WDR83: variants seen among roughly 807,000 people sequenced by gnomAD.
WDR83 encodes the protein WD repeat domain 83.
WDR83 carries 37 observed loss-of-function variants against 37.7 expected under a neutral mutation model. The observed-to-expected ratio is 0.98, with a 90% CI of 0.76 to 1.29. The LOEUF is 1.29. Among genes scored for constraint, WDR83 ranks in the 50% most tolerant of loss-of-function variants. The probability of loss-of-function intolerance (pLI) is 0.00; values close to 1 mark genes in which losing one functional copy is unlikely to be tolerated. For missense variants in WDR83, 445 were observed against 414.4 expected (o/e 1.07, Z -0.64); for synonymous variants, 174 against 181.1 (o/e 0.96, Z 0.31).
At position 12,670,251 on chromosome 19, in the gene WDR83, G is replaced by C. The variant is rs142667818; in HGVS notation, c.296G>C (p.Gly99Ala). 3.9e-5 allele frequency: 63 copies of C among 1,614,148 alleles called. No homozygotes were observed. In the African/African-American group the frequency reaches 7.6e-4, roughly 19 times the overall value. Residue 99 changes from glycine to alanine, a missense_variant, in exon 5 of 11, where the codon GGG becomes GCG. Coordinates refer to ENST00000418543, the MANE Select transcript of WDR83 (RefSeq NM_001099737.3). Reference protein sequence around the residue: ...KAVVLWDVASGQVVRKFRGHA... With the variant: ...KAVVLWDVASAQVVRKFRGHA... ...GTGGTTCTGTGGGATGTGGCATCAG[G>C]GCAGGTCGTGCGCAAATTCCGGGGC...
intron 2 of WDR83, chr19:12,669,167 C>T: frequency 6.2e-7 from 1 of 1,614,188 alleles, no homozygotes; most frequent in South Asian, 1.1e-5. Flanking sequence ...TCATGCCCAG[C>T]AGGTTCATGT....
chr19:12,668,680 C>A lies in WDR83; in HGVS notation c.-37+53C>A, dbSNP rs960415695. On this transcript the variant is annotated intron_variant, in intron 2 of 10. Transcript: ENST00000418543. ...GCACAACAATGAGTCCCCGAAGCCA[C>A]CTTTCCAGACACCAGATCATGCCCA... The A allele has an allele frequency of 1.3e-5, 17 of 1,358,852 alleles. No homozygotes were observed. In the African/African-American group the frequency reaches 2.0e-4, roughly 16 times the overall value. 84.2% of individuals were successfully genotyped at this position (1,358,852 alleles called of 1,614,324 possible).
At chr19:12,672,096 T>C (rs1264322114) in intron 7 of WDR83, among the ~76,000 whole-genome samples, 3 of 152,156 alleles carry the variant, frequency 2.0e-5, no homozygotes, top group Non-Finnish European at 4.4e-5. Context: ...GGATTGATCT[T>C]GGTGTCTCAC....
At chr19:12,673,142 C>T in intron 9 of WDR83, 26 bp downstream of exon 9, 3 of 1,611,562 alleles carry the variant, frequency 1.9e-6, no homozygotes, top group South Asian at 2.2e-5. Flanking sequence ...CGTGGGGATC[C>T]CCTTCCCTCC....
chr19:12,670,795 G>A lies in WDR83; in HGVS notation c.480G>A (p.Lys160=), dbSNP rs768915766. The A allele has an allele frequency of 1.2e-6, 2 of 1,613,830 alleles. No individual in the cohort carries two copies. The highest frequency in any genetic ancestry group is 1.7e-6 in the Non-Finnish European group (2 of 1,179,978). The change falls in exon 7 of 11, where the codon AAG becomes AAA. Residue 160 remains lysine, a synonymous_variant. Coordinates refer to ENST00000418543, the MANE Select transcript of WDR83 (RefSeq NM_001099737.3). ...CCAGAGATGGCGTGTCCAGTGTGAA[G>A]GTGTCAGACCACGAGATCCTGGCAG... ...DEARDGVSSV[K]VSDHEILAGS... is the part of the protein sequence containing the mutation.
intron 1 of WDR83, 139 bp from the exon 2 acceptor site, chr19:12,668,369 G>A: frequency 6.2e-7 from 1 of 1,612,808 alleles, no homozygotes. Context: ...TCACCATGGG[G>A]GCGTCATGGG....
intron 7 of WDR83, chr19:12,672,304 G>A (rs1011886351): frequency 1.1e-4 from 20 of 177,838 alleles, no homozygotes; most frequent in Non-Finnish European, 2.1e-4. Flanking sequence ...AGGAGCTGGA[G>A]AATGCAGGAA....
In WDR83 at chr19:12,670,249, A is replaced by G; in HGVS notation, c.294A>G (p.Ser98=). 6.2e-7 allele frequency: 1 copy of G among 1,614,138 alleles called. No homozygotes were observed. The highest frequency in any genetic ancestry group is 1.3e-5 in the African/African-American group (1 of 75,036). The change falls in exon 5 of 11, where the codon TCA becomes TCG. Residue 98 remains serine, a synonymous_variant. Transcript: ENST00000418543. ...CGGTGGTTCTGTGGGATGTGGCATC[A>G]GGGCAGGTCGTGCGCAAATTCCGGG... is the stretch of plus-strand genomic sequence containing the variant. The part of the protein sequence containing the change: ...DKAVVLWDVA[S]GQVVRKFRGH...
At position 12,670,491 on chromosome 19, in the gene WDR83, G is replaced by A. The variant is rs1272220261; in HGVS notation, c.331-72G>A. The A allele has an allele frequency of 5.0e-6, 8 of 1,610,520 alleles. No individual in the cohort carries two copies. In the East Asian group the frequency reaches 1.8e-4, roughly 36 times the overall value. On this transcript the variant is annotated intron_variant, in intron 5 of 10. Transcript: ENST00000418543. ...CCTCCCCTTCGCCCTTGCTTTAACC[G>A]ACACTGGGAACCCTGCCTTTATCCC...
At chr19:12,668,265 G>C in intron 1 of WDR83, 1 of 1,344,868 alleles carries the variant, frequency 7.4e-7, no homozygotes, top group Non-Finnish European at 1.0e-6. Flanking sequence ...ATTCAGGGAA[G>C]TCCAGGATGG....
chr19:12,670,259 G>A lies in WDR83; in HGVS notation c.304G>A (p.Val102Met), dbSNP rs773943813. Reference sequence around the variant, plus strand: ...GTGGGATGTGGCATCAGGGCAGGTCGTGCGCAAATTCCGGGGCCACGCAGG... The same window carrying A: ...GTGGGATGTGGCATCAGGGCAGGTCATGCGCAAATTCCGGGGCCACGCAGG... ...VLWDVASGQVVRKFRGHAGKV... is the reference protein window; with the variant it reads ...VLWDVASGQVMRKFRGHAGKV... Residue 102 changes from valine (V) to methionine (M), a missense_variant, in exon 5 of 11, where the codon GTG (valine) becomes ATG (methionine). By Grantham distance (21) the Val-to-Met change is conservative (BLOSUM62 1). Coordinates refer to ENST00000418543, the MANE Select transcript of WDR83 (RefSeq NM_001099737.3). 3.7e-6 allele frequency: 6 copies of A among 1,613,994 alleles called. No individual in the cohort carries two copies. The highest frequency in any genetic ancestry group is 4.5e-5 in the East Asian group (2 of 44,890).
At chr19:12,669,189 G>A in intron 2 of WDR83, 2 of 1,614,144 alleles carry the variant, frequency 1.2e-6, no homozygotes, top group South Asian at 2.2e-5. Flanking sequence ...GTCCGGCGTC[G>A]GGTCGTCCAA....
chr19:12,668,656 CACA>C (rs1247992624), intron 2 of WDR83, 29 bp downstream of exon 2: 1 of 1,561,404 alleles, frequency 6.4e-7, no homozygotes, highest in African/African-American at 1.4e-5. Flanking sequence ...TAGTGAAAGG[CACA>C]ACAATGAGTC....
chr19:12,672,964 C>G, intron 8 of WDR83, 44 bp from the exon 9 acceptor site: 2 of 1,597,198 alleles, frequency 1.3e-6, no homozygotes, highest in Non-Finnish European at 1.7e-6. Flanking sequence ...GGGGGCCAAC[C>G]AGGGGCACCC....
intron 2 of WDR83, among the ~76,000 whole-genome samples, chr19:12,668,885 T>TC (rs919293585): frequency 1.3e-5 from 2 of 152,046 alleles, no homozygotes; most frequent in Admixed American, 6.6e-5. Flanking sequence ...ACAACTCCTC[T>TC]CCAAGTTGCT....
chr19:12,675,556 G>T lies in WDR83; in HGVS notation c.832G>T (p.Gly278Cys), dbSNP rs34373915. Reference protein sequence around the residue: ...ALALALPVGSGVVQSLAYHPT... With the variant: ...ALALALPVGSCVVQSLAYHPT... The stretch of plus-strand genomic sequence containing the variant: ...GGCTCTGGCCCTGCCTGTGGGTTCC[G>T]GTGTGGTGCAGTCGCTGGCCTACCA... The change falls in exon 11 of 11, where the codon GGT becomes TGT. Residue 278 changes from glycine to cysteine, a missense_variant. Transcript: ENST00000418543. 3.6e-5 allele frequency: 58 copies of T among 1,606,194 alleles called. No individual in the cohort carries two copies. The highest frequency in any genetic ancestry group is 4.7e-5 in the Non-Finnish European group (55 of 1,179,984).
At chr19:12,675,330 G>T (rs2024542484) in intron 10 of WDR83, among the ~76,000 whole-genome samples, 193 bp from the exon 11 acceptor site, 1 of 152,204 alleles carries the variant, frequency 6.6e-6, no homozygotes, top group Non-Finnish European at 1.5e-5. Flanking sequence ...TGGTAGGACA[G>T]AGCTACTGAG....
Position 12,670,231 on chromosome 19 carries a change from T to G in WDR83, c.276T>G (p.Val92=). The G allele has an allele frequency of 6.2e-7, 1 of 1,614,064 alleles. No individual in the cohort carries two copies. Among genetic ancestry groups the G allele is most frequent in the South Asian group, 1.1e-5 (1 of 91,070 alleles). The part of the protein sequence containing the change: ...LCSGGGDKAV[V]LWDVASGQVV... ...CCGGCGGCGGGGACAAGGCGGTGGTTCTGTGGGATGTGGCATCAGGGCAGG... is the reference window on the plus strand; with the variant it reads ...CCGGCGGCGGGGACAAGGCGGTGGTGCTGTGGGATGTGGCATCAGGGCAGG... The change falls in exon 5 of 11, where the codon GTT becomes GTG. Residue 92 remains valine (V), a synonymous_variant. Transcript: ENST00000418543.
In WDR83 at chr19:12,668,211, G is replaced by A. The variant is rs184987522; in HGVS notation, c.-156-297G>A. ...TAAGCCTAGGGTGTTCCCTAGGAAA[G>A]GGCCAGGTTCCCTCTATCCAGCTGG... On this transcript the variant is annotated intron_variant, in intron 1 of 10. Coordinates refer to ENST00000418543, the MANE Select transcript of WDR83 (RefSeq NM_001099737.3). The A allele has an allele frequency of 1.2e-3, 891 of 768,254 alleles. 8 individuals carry two copies. In the African/African-American group the frequency reaches 0.014, roughly 12 times the overall value. 47.6% of individuals were successfully genotyped at this position (768,254 alleles called of 1,614,324 possible).
Sources: allele counts gnomAD v4.1 joint callset (sites outside exome capture counted in the v4.1 genomes callset), GRCh38; gene constraint gnomAD v4.1.1; transcripts MANE v1.5; gene names NCBI Gene and HGNC (gene_info 2026-07-23, HGNC 2026-07-21).